The following CDH13 variants were observed in gnomAD, a reference collection of about 807,000 sequenced individuals.
The protein encoded by CDH13 is cadherin 13.
CDH13 carries 24 observed loss-of-function variants against 63.8 expected under a neutral mutation model. That is an observed-to-expected ratio of 0.38 (90% confidence interval 0.27 to 0.53). CDH13 has a LOEUF of 0.53. CDH13 is among the 20% of genes least tolerant of loss of function. CDH13 has a pLI of 0.85. For missense variants in CDH13, 1,049 were observed against 903.1 expected (o/e 1.16, Z -2.07); for synonymous variants, 503 against 355.3 (o/e 1.42, Z -4.67).
intron 1 of CDH13, chr16:82,688,806 G>A (rs1915342824): frequency 6.6e-6 from 1 of 152,150 alleles, no homozygotes; most frequent in Non-Finnish European, 1.5e-5. Flanking sequence ...AGAGGCCTGG[G>A]TTGGTGATTT....
At chr16:83,435,692 G>C (rs768405398) in intron 6 of CDH13, among the ~76,000 whole-genome samples, 4 of 152,176 alleles carry the variant, frequency 2.6e-5, no homozygotes, top group Non-Finnish European at 5.9e-5. Context: ...TCAGCCTCCA[G>C]CTTCAGCTCA....
chr16:83,002,432 A>G (rs891277653), intron 2 of CDH13, among the ~76,000 whole-genome samples: 1 of 152,210 alleles, frequency 6.6e-6, no homozygotes, highest in African/African-American at 2.4e-5. Flanking sequence ...GGTCCCATCA[A>G]CATCTTGATT....
At chr16:83,244,963 G>A (rs899218498) in intron 5 of CDH13, among the ~76,000 whole-genome samples, 1 of 152,008 alleles carries the variant, frequency 6.6e-6, no homozygotes, top group Non-Finnish European at 1.5e-5. Flanking sequence ...CTATTTGTAC[G>A]GTTTAGGCAC....
chr16:82,720,059 T>C (rs1022189265), intron 1 of CDH13, among the ~76,000 whole-genome samples: 4 of 152,018 alleles, frequency 2.6e-5, no homozygotes, highest in African/African-American at 4.8e-5. Flanking sequence ...CCAAAACACT[T>C]CTAATATTAA....
chr16:83,692,764 C>G (rs1346110982), intron 10 of CDH13, among the ~76,000 whole-genome samples: 1 of 152,164 alleles, frequency 6.6e-6, no homozygotes, highest in Admixed American at 6.5e-5. Context: ...TGGCAGACCC[C>G]TGGTCTCTTA....
chr16:83,096,098 A>G (rs1404988929), intron 3 of CDH13, among the ~76,000 whole-genome samples: 1 of 152,194 alleles, frequency 6.6e-6, no homozygotes, highest in Non-Finnish European at 1.5e-5. Context: ...AGAACTCCGT[A>G]TGTGAATAAT....
At chr16:83,485,417 G>T (rs1222623177) in intron 6 of CDH13, among the ~76,000 whole-genome samples, 1 of 152,132 alleles carries the variant, frequency 6.6e-6, no homozygotes, top group African/African-American at 2.4e-5. Flanking sequence ...CACTCCACAT[G>T]CTTGTTATAG....
At chr16:83,682,967 G>T (rs1380206842) in intron 10 of CDH13, among the ~76,000 whole-genome samples, 1 of 152,178 alleles carries the variant, frequency 6.6e-6, no homozygotes, top group African/African-American at 2.4e-5. Flanking sequence ...CGCACTTCCA[G>T]CTAAGTCCAA....
chr16:83,421,492 G>A (rs2071712430), intron 6 of CDH13, among the ~76,000 whole-genome samples: 1 of 152,144 alleles, frequency 6.6e-6, no homozygotes, highest in South Asian at 2.1e-4. Context: ...CCTGATGGTT[G>A]CAAGACGGCT....
intron 2 of CDH13, among the ~76,000 whole-genome samples, chr16:82,942,758 A>G (rs949400255): frequency 3.9e-5 from 6 of 152,208 alleles, no homozygotes; most frequent in African/African-American, 1.2e-4. Flanking sequence ...AGAACATGTG[A>G]TATGCCCAAG....
intron 1 of CDH13, among the ~76,000 whole-genome samples, chr16:82,703,090 C>CT (rs935413217): frequency 3.3e-5 from 5 of 151,782 alleles, no homozygotes; most frequent in South Asian, 2.1e-4. Flanking sequence ...ATTGCTTATA[C>CT]TTTTTTTTGT....
chr16:83,190,704 ATTGAG>A (rs1342452963), intron 4 of CDH13, among the ~76,000 whole-genome samples: 1 of 152,174 alleles, frequency 6.6e-6, no homozygotes, highest in African/African-American at 2.4e-5. Context: ...TGTCTCTTGA[ATTGAG>A]TTATTTTTCC....
intron 1 of CDH13, among the ~76,000 whole-genome samples, chr16:82,741,463 T>C (rs1343257469): frequency 6.6e-6 from 1 of 152,216 alleles, no homozygotes; most frequent in Non-Finnish European, 1.5e-5. Context: ...TACATATGGC[T>C]ATAAAGCACT....
chr16:83,216,982 AC>A (rs2151787715), intron 4 of CDH13, among the ~76,000 whole-genome samples: 1 of 152,220 alleles, frequency 6.6e-6, no homozygotes, highest in South Asian at 2.1e-4. Context: ...GGCTTCCATT[AC>A]CTTTTTTGTT....
chr16:83,744,556 A>G (rs1912388002), intron 10 of CDH13, among the ~76,000 whole-genome samples: 1 of 152,202 alleles, frequency 6.6e-6, no homozygotes, highest in Admixed American at 6.5e-5. Context: ...CAGCATCAAA[A>G]CATTGTTCCC....
At chr16:83,607,209 G>A (rs542367482) in intron 8 of CDH13, among the ~76,000 whole-genome samples, 2 of 152,162 alleles carry the variant, frequency 1.3e-5, no homozygotes, top group South Asian at 2.1e-4. Flanking sequence ...CCTGAGGTCA[G>A]GAGTTCGAGA....
At chr16:83,340,861 C>T (rs761490215) in intron 5 of CDH13, among the ~76,000 whole-genome samples, 12 of 152,280 alleles carry the variant, frequency 7.9e-5, no homozygotes, top group Non-Finnish European at 1.8e-4. Context: ...CCCCTCTCAT[C>T]TGCCTCCACA....
At chr16:83,169,392 G>T (rs894124237) in intron 4 of CDH13, among the ~76,000 whole-genome samples, 2 of 152,008 alleles carry the variant, frequency 1.3e-5, no homozygotes, top group African/African-American at 4.8e-5. Context: ...GGCCAGGATT[G>T]TCTTGATGTC....
At chr16:83,276,215 A>G (rs114531990) in intron 5 of CDH13, among the ~76,000 whole-genome samples, 2,078 of 152,164 alleles carry the variant, frequency 0.014, 45 homozygotes, top group African/African-American at 0.047. Flanking sequence ...TCTGCTTGAT[A>G]TATTTCATTT....
Sources: allele counts gnomAD v4.1 joint callset (sites outside exome capture counted in the v4.1 genomes callset), GRCh38; gene constraint gnomAD v4.1.1; transcripts MANE v1.5; gene names NCBI Gene and HGNC (gene_info 2026-07-23, HGNC 2026-07-21).